The following TNRC6A variants were observed in gnomAD, a reference collection of about 807,000 sequenced individuals.
TNRC6A encodes trinucleotide repeat-containing gene 6A protein.
Under a neutral mutation model 221.2 loss-of-function variants are expected in TNRC6A, and 44 were observed. The observed-to-expected ratio is 0.20, with a 90% confidence interval of 0.16 to 0.26. The LOEUF is 0.26. Ranked by LOEUF, TNRC6A falls within the 10% of genes least tolerant of loss-of-function variation. The pLI is 1.00. For missense variants in TNRC6A, 2,199 were observed against 2,404.4 expected (o/e 0.91, Z 1.79); for synonymous variants, 847 against 838.5 (o/e 1.01, Z -0.18).
intron 2 of TNRC6A, among the ~76,000 whole-genome samples, chr16:24,651,405 GC>G: frequency 6.6e-6 from 1 of 151,644 alleles, no homozygotes; most frequent in Non-Finnish European, 1.5e-5. Context: ...ACACATGGTG[GC>G]CTGTGCCTGT....
intron 10 of TNRC6A, 105 bp downstream of exon 10, chr16:24,797,675 A>AATGTACT (rs1394815894): frequency 3.8e-6 from 4 of 1,063,282 alleles, no homozygotes; most frequent in Non-Finnish European, 4.0e-6. Flanking sequence ...AGTCCTTAGG[A>AATGTACT]ATGTACTTGA....
chr16:24,822,021 G>A, intron 22 of TNRC6A, 56 bp from the exon 23 acceptor site: 2 of 1,533,788 alleles, frequency 1.3e-6, no homozygotes, highest in Non-Finnish European at 1.8e-6. Context: ...CTAAGTAACT[G>A]TAGTTGGGCT....
chr16:24,783,698 A>C (rs1451837320), intron 5 of TNRC6A, among the ~76,000 whole-genome samples: 1 of 152,146 alleles, frequency 6.6e-6, no homozygotes. Context: ...TTTGCATTAC[A>C]CTCAGTAAAA....
intron 5 of TNRC6A, among the ~76,000 whole-genome samples, chr16:24,780,243 A>G (rs1404514330): frequency 6.6e-6 from 1 of 152,206 alleles, no homozygotes. Flanking sequence ...ACATTGTCCC[A>G]TCTTGACTTG....
At chr16:24,793,445 A>T in intron 6 of TNRC6A, 28 bp from the exon 7 acceptor site, 2 of 1,375,314 alleles carry the variant, frequency 1.5e-6, no homozygotes, top group Non-Finnish European at 1.9e-6. Flanking sequence ...TTCTATGCTG[A>T]TGACTTCTTT....
intron 2 of TNRC6A, chr16:24,663,886 C>T (rs757827064): frequency 2.2e-6 from 1 of 456,046 alleles, no homozygotes; most frequent in Non-Finnish European, 4.4e-6. Flanking sequence ...TATACAGAAG[C>T]CCTCTTATCA....
chr16:24,725,259 C>T (rs1204163689), upstream of TNRC6A, among the ~76,000 whole-genome samples: 2 of 152,106 alleles, frequency 1.3e-5, no homozygotes, highest in African/African-American at 2.4e-5. Flanking sequence ...AACCTACCCC[C>T]TGCCCCAGCC....
chr16:24,709,257 C>CAA (rs34362957), intron 2 of TNRC6A, among the ~76,000 whole-genome samples: 13 of 146,120 alleles, frequency 8.9e-5, no homozygotes, highest in South Asian at 2.2e-4. Context: ...AACTCTGTCT[C>CAA]AAAAAAAAAA....
intron 2 of TNRC6A, among the ~76,000 whole-genome samples, chr16:24,658,081 T>C (rs2054955862): frequency 6.6e-6 from 1 of 152,174 alleles, no homozygotes; most frequent in African/African-American, 2.4e-5. Context: ...ACAATTTATA[T>C]AGAAGCAGAA....
chr16:24,696,305 G>A (rs1360483405), intron 2 of TNRC6A, among the ~76,000 whole-genome samples: 2 of 144,486 alleles, frequency 1.4e-5, no homozygotes, highest in African/African-American at 5.2e-5. Context: ...CCCAGATCGC[G>A]CCACTGCACT....
chr16:24,791,789 C>G lies in TNRC6A; in HGVS notation c.3147C>G (p.Ile1049Met). ...AGCTGCTAACGCCTGCAAGTGCCAT[C>G]TCAAACAAAGAGGCAAGCAGTGGCT... is the stretch of plus-strand genomic sequence containing the variant. ...VHQLLTPASAISNKEASSGSG... is the reference protein window; with the variant it reads ...VHQLLTPASAMSNKEASSGSG... Residue 1049 changes from isoleucine to methionine, a missense_variant, in exon 6 of 25, where the codon ATC (isoleucine) becomes ATG (methionine). Ile to Met is a conservative substitution (Grantham distance 10). Around this residue, in one of 8 missense-constraint regions of TNRC6A, gnomAD observed 1,405 missense variants for 1,400.2 expected, o/e 1.00. Coordinates refer to ENST00000395799, the MANE Select transcript of TNRC6A (RefSeq NM_014494.4). 1 of 1,566,334 alleles carries G rather than the reference C, an allele frequency of 6.4e-7. No homozygotes were observed. The highest frequency in any genetic ancestry group is 8.6e-7 in the Non-Finnish European group (1 of 1,160,426).
At chr16:24,666,585 G>A (rs2055167255) in intron 2 of TNRC6A, among the ~76,000 whole-genome samples, 1 of 130,152 alleles carries the variant, frequency 7.7e-6, no homozygotes, top group Non-Finnish European at 1.6e-5. Flanking sequence ...GGCTGCCAAT[G>A]AGCTATTGGC....
chr16:24,755,520 T>C (rs34172651), intron 3 of TNRC6A, among the ~76,000 whole-genome samples: 53,302 of 152,108 alleles, frequency 0.35, 9,642 homozygotes, highest in South Asian at 0.46. Context: ...AACTCTGAGG[T>C]GGGTGTTTTT....
At chr16:24,724,339 C>T (rs1310007399) in intron 2 of TNRC6A, among the ~76,000 whole-genome samples, 1 of 152,152 alleles carries the variant, frequency 6.6e-6, no homozygotes, top group Non-Finnish European at 1.5e-5. Context: ...AATATTTCTA[C>T]CTCACATGGC....
intron 2 of TNRC6A, among the ~76,000 whole-genome samples, chr16:24,676,819 C>T (rs2142031757): frequency 6.6e-6 from 1 of 152,270 alleles, no homozygotes; most frequent in South Asian, 2.1e-4. Flanking sequence ...TCTCTGAAGA[C>T]TCTATGACAT....
chr16:24,693,083 G>A (rs2055788090), intron 2 of TNRC6A, among the ~76,000 whole-genome samples: 1 of 152,128 alleles, frequency 6.6e-6, no homozygotes, highest in Non-Finnish European at 1.5e-5. Context: ...CTATTAAGAT[G>A]ATGTAGTGAG....
intron 1 of TNRC6A, among the ~76,000 whole-genome samples, chr16:24,611,424 C>A (rs1900050976): frequency 6.6e-6 from 1 of 152,130 alleles, no homozygotes. Context: ...GAGGTGGTTT[C>A]TTGGCTCCAC....
Position 24,823,975 on chromosome 16 carries a change from G to A in TNRC6A, c.*168G>A. On this transcript the variant is annotated 3_prime_UTR_variant, in exon 25 of 25. Coordinates refer to ENST00000395799, the MANE Select transcript of TNRC6A (RefSeq NM_014494.4). This position sits in a 1 kb window ranked among gnomAD's most constrained non-coding sequence, Gnocchi z 4.3. ...TCAGTTTGAATACTTGAATCATGCA[G>A]GCCAATATTATAATGTGAAAAGGTA... The A allele has an allele frequency of 1.8e-6, 1 of 543,318 alleles. No individual in the cohort carries two copies. The allele number at this position is 543,318 out of a possible 1,614,324, so 33.7% of individuals were successfully genotyped here.
chr16:24,776,426 T>C (rs1170259166), intron 4 of TNRC6A: 19 of 985,354 alleles, frequency 1.9e-5, no homozygotes, highest in Non-Finnish European at 2.2e-5. Flanking sequence ...ACTTAGCCTT[T>C]TTGTAAGAAA....
Sources: allele counts gnomAD v4.1 joint callset (sites outside exome capture counted in the v4.1 genomes callset), GRCh38; gene constraint gnomAD v4.1.1; regional missense constraint gnomAD v4.1.1; non-coding constraint Gnocchi (gnomAD v3.1); transcripts MANE v1.5; gene names NCBI Gene and HGNC (gene_info 2026-07-23, HGNC 2026-07-21).